The following ERP44 variants were observed in gnomAD, a reference collection of about 807,000 sequenced individuals.
ERP44 encodes endoplasmic reticulum resident protein 44.
In ERP44, 25 loss-of-function variants were observed where a neutral mutation model predicts 53.4. That is an observed-to-expected ratio of 0.47 (90% confidence interval 0.34 to 0.65). The LOEUF is 0.65. ERP44 is among the 30% of genes least tolerant of loss of function. ERP44 has a pLI of 0.01. For missense variants in ERP44, 338 were observed against 493.2 expected (o/e 0.69, Z 2.98); for synonymous variants, 145 against 161.2 (o/e 0.90, Z 0.76).
chr9:100,068,142 C>A (rs1826246264), intron 1 of ERP44, among the ~76,000 whole-genome samples: 3 of 150,074 alleles, frequency 2.0e-5, no homozygotes, highest in Admixed American at 1.3e-4. Flanking sequence ...CTCTGCCCAG[C>A]CGCCCCAACT....
At chr9:100,039,432 C>T (rs1825879665) in intron 4 of ERP44, among the ~76,000 whole-genome samples, 1 of 151,888 alleles carries the variant, frequency 6.6e-6, no homozygotes, top group Non-Finnish European at 1.5e-5. Flanking sequence ...TCCTGAATGA[C>T]CAGTGGTCAA....
chr9:100,080,832 A>C (rs1171975647), intron 1 of ERP44, among the ~76,000 whole-genome samples: 1 of 152,222 alleles, frequency 6.6e-6, no homozygotes. Context: ...ACGTGGGTAC[A>C]GGAAACTAAC....
chr9:100,051,232 C>T (rs1215631256), intron 4 of ERP44, among the ~76,000 whole-genome samples: 2 of 152,162 alleles, frequency 1.3e-5, no homozygotes, highest in Non-Finnish European at 2.9e-5. Flanking sequence ...ACCAATAACT[C>T]CCCAAAATGT....
intron 1 of ERP44, among the ~76,000 whole-genome samples, chr9:100,078,486 G>A (rs1351954089): frequency 3.5e-5 from 5 of 143,942 alleles, no homozygotes; most frequent in Admixed American, 7.1e-5. Flanking sequence ...CGGGTGCAGC[G>A]GCTCATGCCT....
In ERP44 at chr9:100,052,465, G is replaced by T. The variant is rs780575499; in HGVS notation, c.238C>A (p.Pro80Thr). ...GCAAACACTACTTGATTTTCATTTGGAAATTCTTCCTTAATGACATCGGAA... is the reference window on the plus strand; with the variant it reads ...GCAAACACTACTTGATTTTCATTTGTAAATTCTTCCTTAATGACATCGGAA... ...EASDVIKEEF[P>T]NENQVVFARV... is the part of the protein sequence containing the mutation. The change falls in exon 4 of 12, where the codon CCA becomes ACA. Residue 80 changes from proline to threonine, a missense_variant. By Grantham distance (38) the Pro-to-Thr change is conservative. Around this residue, in one of 3 missense-constraint regions of ERP44, gnomAD observed 224 missense variants for 301.4 expected, o/e 0.74. Transcript: ENST00000262455. 3.1e-6 allele frequency: 5 copies of T among 1,612,346 alleles called. No homozygotes were observed. The South Asian group carries it at 5.5e-5, about 18-fold the overall frequency.
intron 3 of ERP44, among the ~76,000 whole-genome samples, chr9:100,056,628 A>G (rs532612743): frequency 1.3e-5 from 2 of 152,338 alleles, no homozygotes; most frequent in East Asian, 3.9e-4. Context: ...ATCCAGGAAG[A>G]TAACCTGAAG....
At chr9:99,997,954 C>T (rs1167553020) in intron 10 of ERP44, among the ~76,000 whole-genome samples, 2 of 151,950 alleles carry the variant, frequency 1.3e-5, no homozygotes, top group Non-Finnish European at 2.9e-5. Context: ...GTGTCGTTCT[C>T]ACAGCACTGA....
intron 8 of ERP44, among the ~76,000 whole-genome samples, chr9:100,014,568 C>T (rs893480051): frequency 6.6e-6 from 1 of 152,254 alleles, no homozygotes; most frequent in Admixed American, 6.5e-5. Context: ...GGATTACAGG[C>T]GTGAGCCATG....
chr9:100,015,426 T>C (rs1213351644), intron 8 of ERP44, among the ~76,000 whole-genome samples: 1 of 152,214 alleles, frequency 6.6e-6, no homozygotes, highest in Non-Finnish European at 1.5e-5. Context: ...CAGACATAAC[T>C]CTTTGTACTT....
intron 4 of ERP44, among the ~76,000 whole-genome samples, chr9:100,042,940 G>GT (rs1825922469): frequency 6.6e-6 from 1 of 151,994 alleles, no homozygotes; most frequent in Admixed American, 6.6e-5. Context: ...GGGAGGGATG[G>GT]TGAATGGGTA....
intron 1 of ERP44, among the ~76,000 whole-genome samples, chr9:100,068,088 GC>G (rs546828413): frequency 0.011 from 1,632 of 142,188 alleles, 26 homozygotes; most frequent in African/African-American, 0.042. Context: ...GGGGGAGTCA[GC>G]CCCCCGCCCG....
intron 1 of ERP44, among the ~76,000 whole-genome samples, chr9:100,091,316 C>A (rs1329249586): frequency 6.6e-5 from 10 of 152,168 alleles, no homozygotes; most frequent in Non-Finnish European, 1.0e-4. Flanking sequence ...AGAACCAAGA[C>A]CCACAGCATT....
intron 11 of ERP44, among the ~76,000 whole-genome samples, chr9:99,984,754 C>G (rs940796772): frequency 6.6e-6 from 1 of 152,174 alleles, no homozygotes; most frequent in African/African-American, 2.4e-5. Context: ...CACTTTTATA[C>G]AATCAAGAAA....
At chr9:100,012,788 T>C (rs1270580138) in intron 8 of ERP44, among the ~76,000 whole-genome samples, 1 of 152,174 alleles carries the variant, frequency 6.6e-6, no homozygotes, top group Non-Finnish European at 1.5e-5. Context: ...TAGACACTTT[T>C]CTCTATTTCT....
At chr9:100,001,298 G>A (rs1373689641) in intron 10 of ERP44, among the ~76,000 whole-genome samples, 1 of 152,150 alleles carries the variant, frequency 6.6e-6, no homozygotes. Flanking sequence ...ATGGGCACTT[G>A]AGAAGAATGT....
At chr9:99,984,840 C>A in intron 11 of ERP44, 127 bp downstream of exon 11, 1 of 578,900 alleles carries the variant, frequency 1.7e-6, no homozygotes, top group East Asian at 2.9e-5. Flanking sequence ...AATTTCTACT[C>A]AGAATTTCTC....
Position 100,026,909 on chromosome 9 carries a change from A to G in ERP44, c.287-4683T>C, listed in dbSNP as rs1459779372. ...TTCCACCTGTGTCCTAAGTATCAGT[A>G]TGAAAATGGACAGCAAGATGCACTA... On this transcript the variant is annotated intron_variant, in intron 4 of 11. Transcript: ENST00000262455. Among the ~76,000 whole-genome samples the G allele has an allele frequency of 3.3e-5, 5 of 152,236 alleles. No homozygotes were observed. The East Asian group carries it at 9.6e-4, about 29-fold the overall frequency.
rs2146846 is a variant in ERP44, at chr9:100,088,033, C to T, written c.57+10751G>A. Among the ~76,000 whole-genome samples the T allele has an allele frequency of 1.5e-3, 150 of 96,986 alleles. 5 individuals carry two copies. In the South Asian group the frequency reaches 0.057, roughly 37 times the overall value. The allele number at this position is 96,986 out of a possible 152,430, so 63.6% of individuals were successfully genotyped here. ...GTATTTTTCACACTGCAAGTTGGGACCCCTCCTGTAACAGAGAATCAAAAC... is the reference window on the plus strand; with the variant it reads ...GTATTTTTCACACTGCAAGTTGGGATCCCTCCTGTAACAGAGAATCAAAAC... On this transcript the variant is annotated intron_variant, in intron 1 of 11. Coordinates refer to ENST00000262455, the MANE Select transcript of ERP44 (RefSeq NM_015051.3).
intron 8 of ERP44, among the ~76,000 whole-genome samples, chr9:100,013,250 C>T (rs966277149): frequency 6.6e-6 from 1 of 152,042 alleles, no homozygotes; most frequent in Non-Finnish European, 1.5e-5. Flanking sequence ...TATACTCTTT[C>T]TTAAGAACTC....
Sources: allele counts gnomAD v4.1 joint callset (sites outside exome capture counted in the v4.1 genomes callset), GRCh38; gene constraint gnomAD v4.1.1; regional missense constraint gnomAD v4.1.1; transcripts MANE v1.5; gene names NCBI Gene and HGNC (gene_info 2026-07-23, HGNC 2026-07-21).